The following MACO1 variants were observed in gnomAD, a reference collection of about 807,000 sequenced individuals.
MACO1 encodes macoilin 1.
Under a neutral mutation model 78.7 loss-of-function variants are expected in MACO1, and 14 were observed. The ratio of observed to expected loss-of-function variants is 0.18; its 90% CI spans 0.12 to 0.28. The LOEUF is 0.28. Among genes scored for constraint, MACO1 ranks in the 10% least tolerant of loss-of-function variants. The pLI is 1.00. For missense variants in MACO1, 501 were observed against 799.0 expected (o/e 0.63, Z 4.50); for synonymous variants, 288 against 291.6 (o/e 0.99, Z 0.12).
intron 6 of MACO1, among the ~76,000 whole-genome samples, chr1:25,480,913 TAA>T (rs759266355): frequency 3.3e-3 from 54 of 16,210 alleles, no homozygotes; most frequent in Middle Eastern, 0.026. Context: ...GAGACTTGGT[TAA>T]AAAAAAAAAA....
At position 25,456,698 on chromosome 1, in the gene MACO1, C is replaced by G; in HGVS notation, c.519C>G (p.Tyr173Ter). The G allele has an allele frequency of 6.2e-7, 1 of 1,613,636 alleles. No individual in the cohort carries two copies. The highest frequency in any genetic ancestry group is 8.5e-7 in the Non-Finnish European group (1 of 1,179,846). ...VVTLGFGFKS[Y>*]VSYKMRLRKQ... Reference sequence around the variant, plus strand: ...CTTTGGGGTTTGGCTTCAAAAGTTACGTAAGCTACAAAATGCGGTTAAGGA... The same window carrying G: ...CTTTGGGGTTTGGCTTCAAAAGTTAGGTAAGCTACAAAATGCGGTTAAGGA... Residue 173 changes from tyrosine (Y) to a stop codon, truncating the protein, a stop_gained, in exon 5 of 11, where the codon TAC becomes TAG. Coordinates refer to ENST00000374343, the MANE Select transcript of MACO1 (RefSeq NM_018202.6). LOFTEE classifies it high-confidence loss of function.
At chr1:25,474,967 C>G (rs568807783) in intron 6 of MACO1, among the ~76,000 whole-genome samples, 1 of 152,306 alleles carries the variant, frequency 6.6e-6, no homozygotes, top group African/African-American at 2.4e-5. Flanking sequence ...GGACAATAAA[C>G]TGCAGCTAGA....
chr1:25,433,726 G>C (rs1290988483), intron 1 of MACO1, among the ~76,000 whole-genome samples: 4 of 152,218 alleles, frequency 2.6e-5, no homozygotes, highest in Non-Finnish European at 5.9e-5. Context: ...TAGGCAGACA[G>C]GGCATCCACA....
At chr1:25,483,669 G>A (rs1046884438) in intron 6 of MACO1, among the ~76,000 whole-genome samples, 5 of 152,166 alleles carry the variant, frequency 3.3e-5, no homozygotes, top group Admixed American at 6.5e-5. Context: ...ATGGTGGGAC[G>A]CAGTCTCAGA....
At chr1:25,433,800 T>G (rs917731448) in intron 1 of MACO1, among the ~76,000 whole-genome samples, 10 of 152,244 alleles carry the variant, frequency 6.6e-5, no homozygotes, top group Admixed American at 3.3e-4. Flanking sequence ...TATGTACAGT[T>G]TGTGAAATGC....
chr1:25,493,944 G>A (rs2043512392), intron 10 of MACO1, among the ~76,000 whole-genome samples: 1 of 151,890 alleles, frequency 6.6e-6, no homozygotes, highest in South Asian at 2.1e-4. Flanking sequence ...TGTTAGCCAG[G>A]ATGGTCTCGA....
chr1:25,445,240 T>A (rs2043005360), intron 1 of MACO1, among the ~76,000 whole-genome samples: 1 of 151,088 alleles, frequency 6.6e-6, no homozygotes, highest in Admixed American at 6.6e-5. Flanking sequence ...TTGAGGCTGC[T>A]GTGAGCTATG....
chr1:25,465,074 A>G (rs141891750), intron 6 of MACO1, among the ~76,000 whole-genome samples: 348 of 152,016 alleles, frequency 2.3e-3, no homozygotes, highest in African/African-American at 8.2e-3. Context: ...CGGCCTCCCA[A>G]AGTGCTGGGA....
At chr1:25,435,839 A>G (rs927685245) in intron 1 of MACO1, among the ~76,000 whole-genome samples, 1 of 152,234 alleles carries the variant, frequency 6.6e-6, no homozygotes, top group Non-Finnish European at 1.5e-5. Context: ...AAACTCTTCT[A>G]TTTGTGGTTT....
intron 7 of MACO1, 81 bp downstream of exon 7, chr1:25,484,355 T>C: frequency 7.0e-7 from 1 of 1,428,402 alleles, no homozygotes; most frequent in South Asian, 1.5e-5. Context: ...GAGCACAAGA[T>C]TTATGGTGAC....
At chr1:25,442,129 G>T (rs2042978485) in intron 1 of MACO1, among the ~76,000 whole-genome samples, 1 of 152,182 alleles carries the variant, frequency 6.6e-6, no homozygotes, top group Admixed American at 6.5e-5. Flanking sequence ...AATATGTGAT[G>T]GTGATTCTGC....
chr1:25,463,424 T>C lies in MACO1; in HGVS notation c.1154+4532T>C, dbSNP rs528248716. ...TTGCCAAAGGCAGTCTGGAGTACTC[T>C]GTTGGTTTTAGAAACATATACCTTA... is the stretch of plus-strand genomic sequence containing the variant. On this transcript the variant is annotated intron_variant, in intron 6 of 10. Coordinates refer to ENST00000374343, the MANE Select transcript of MACO1 (RefSeq NM_018202.6). 3.9e-5 allele frequency among the ~76,000 whole-genome samples: 6 copies of C among 152,340 alleles called. No homozygotes were observed. The South Asian group carries it at 1.2e-3, about 32-fold the overall frequency.
chr1:25,437,009 T>C (rs1468875316), intron 1 of MACO1, among the ~76,000 whole-genome samples: 1 of 152,352 alleles, frequency 6.6e-6, no homozygotes, highest in East Asian at 1.9e-4. Context: ...CACTTTCATA[T>C]ATCTGTTCAT....
intron 6 of MACO1, among the ~76,000 whole-genome samples, chr1:25,469,816 C>T (rs548904188): frequency 5.6e-4 from 85 of 151,586 alleles, no homozygotes; most frequent in Non-Finnish European, 6.3e-4. Flanking sequence ...TTTGTAGAGA[C>T]GGGGTTTCAC....
At chr1:25,453,226 G>C (rs1299424063) in intron 3 of MACO1, among the ~76,000 whole-genome samples, 1 of 147,578 alleles carries the variant, frequency 6.8e-6, no homozygotes, top group Non-Finnish European at 1.5e-5. Flanking sequence ...GGCTGGTCTT[G>C]ACTCCCGACC....
chr1:25,449,595 C>T (rs1157474958), intron 3 of MACO1, among the ~76,000 whole-genome samples: 13 of 152,008 alleles, frequency 8.6e-5, no homozygotes, highest in African/African-American at 3.1e-4. Flanking sequence ...GACTTGAACT[C>T]CTGGGCTCAA....
chr1:25,458,421 C>T lies in MACO1; in HGVS notation c.683C>T (p.Ser228Leu), dbSNP rs756514176. The change falls in exon 6 of 11, where the codon TCG becomes TTG. Residue 228 changes from serine to leucine, a missense_variant. This residue lies in a region of MACO1 where 171 missense variants were observed against 292.1 expected (regional missense o/e 0.59). Coordinates refer to ENST00000374343, the MANE Select transcript of MACO1 (RefSeq NM_018202.6). The part of the protein sequence containing the change: ...AAKGLPDMDS[S>L]ILIHHNGGIP... ...AAAGGATTACCTGATATGGATTCTTCGATCCTTATACACCACAATGGAGGT... is the reference window on the plus strand; with the variant it reads ...AAAGGATTACCTGATATGGATTCTTTGATCCTTATACACCACAATGGAGGT... The T allele has an allele frequency of 6.9e-6, 11 of 1,599,388 alleles. No homozygotes were observed. The highest frequency in any genetic ancestry group is 4.5e-5 in the East Asian group (2 of 44,808).
chr1:25,431,526 C>A (rs1241588596), intron 1 of MACO1, among the ~76,000 whole-genome samples: 1 of 151,890 alleles, frequency 6.6e-6, no homozygotes, highest in East Asian at 2.0e-4. Context: ...CCGGGAGGGC[C>A]GCTTCCGGGA....
Position 25,485,825 on chromosome 1 carries a change from C to A in MACO1, c.1496+30C>A, listed in dbSNP as rs2043425529. On this transcript the variant is annotated intron_variant, in intron 8 of 10. Coordinates refer to ENST00000374343, the MANE Select transcript of MACO1 (RefSeq NM_018202.6). The surrounding 1 kb of genome is among the most constrained non-coding windows in gnomAD (Gnocchi z 4.3). Reference sequence around the variant, plus strand: ...GTCCATGTCACCTGAGTGTTTAATCCAAGGTTGGCTTTCCTTTACCAACAA... The same window carrying A: ...GTCCATGTCACCTGAGTGTTTAATCAAAGGTTGGCTTTCCTTTACCAACAA... 1 of 1,581,442 alleles carries A rather than the reference C, an allele frequency of 6.3e-7. No homozygotes were observed.
Sources: gnomAD v4.1 joint callset for allele counts (sites outside exome capture counted in the v4.1 genomes callset) on GRCh38, gnomAD v4.1.1 for gene constraint, gnomAD v4.1.1 regional missense constraint, Gnocchi (gnomAD v3.1) non-coding constraint, MANE v1.5 for transcripts, NCBI Gene and HGNC (gene_info 2026-07-23, HGNC 2026-07-21) for gene names.